Variants in CEP44 observed in about 807,000 individuals in gnomAD.
The protein encoded by CEP44 is centrosomal protein of 44 kDa.
A neutral mutation model predicts 46.7 loss-of-function variants in CEP44; 45 were observed. That is an observed-to-expected ratio of 0.96 (90% confidence interval 0.76 to 1.24). CEP44 has a LOEUF of 1.24. Among genes scored for constraint, CEP44 ranks in the 50% most tolerant of loss-of-function variants. The pLI is 0.00. For missense variants in CEP44, 475 were observed against 459.7 expected, an observed-to-expected ratio of 1.03 and a Z score of -0.30; for synonymous variants, 142 against 146.0, an observed-to-expected ratio of 0.97 and a Z score of 0.20.
chr4:174,310,226 C>T lies in CEP44; in HGVS notation c.885+170C>T, dbSNP rs1261819040. Among the ~76,000 whole-genome samples the T allele has an allele frequency of 6.6e-6, 1 of 151,770 alleles. No homozygotes were observed. Among genetic ancestry groups the T allele is most frequent in the Non-Finnish European group, 1.5e-5 (1 of 67,862 alleles). On this transcript the variant is annotated intron_variant, in intron 8 of 11. Coordinates refer to ENST00000503780, the MANE Select transcript of CEP44 (RefSeq NM_001040157.3). This position sits in a 1 kb window ranked among gnomAD's most constrained non-coding sequence, Gnocchi z 4.2. ...AAATATAGCCTGTATGTTGTTGTGG[C>T]TGTTGTTTCTCTCTTCATTGAATAA...
chr4:174,318,777 C>A lies in CEP44; in HGVS notation c.*1394C>A. 8.0e-6 allele frequency: 6 copies of A among 751,240 alleles called. No individual in the cohort carries two copies. The highest frequency in any genetic ancestry group is 6.5e-6 in the Non-Finnish European group (4 of 619,300). The allele number at this position is 751,240 out of a possible 1,614,324, so 46.5% of individuals were successfully genotyped here. A position where few individuals can be genotyped will look rare whatever the true frequency, so the allele number is the denominator to read the frequency against. ...GAATTTGAAACAGTGTAAGAAATCA[C>A]TTTTAAGAAAACATTTTTAGAATTC... On this transcript the variant is annotated 3_prime_UTR_variant, in exon 12 of 12. Transcript: ENST00000503780.
chr4:174,296,110 G>T (rs1168681716), intron 1 of CEP44, among the ~76,000 whole-genome samples: 1 of 152,178 alleles, frequency 6.6e-6, no homozygotes, highest in Admixed American at 6.5e-5. Flanking sequence ...TCAGGATTTT[G>T]AAGATAATGT....
At chr4:174,332,317 C>T (rs1327063250) in exon 9 of CEP44, 6 of 152,172 alleles carry the variant, frequency 3.9e-5, no homozygotes, top group Non-Finnish European at 8.8e-5. Flanking sequence ...CTGTTGATTA[C>T]ATACACAGTG....
At position 174,309,778 on chromosome 4, in the gene CEP44, A is replaced by C. The variant is rs1318089713; in HGVS notation, c.679-72A>C. On this transcript the variant is annotated intron_variant, in intron 7 of 11. Coordinates refer to ENST00000503780, the MANE Select transcript of CEP44 (RefSeq NM_001040157.3). This position sits in a 1 kb window ranked among gnomAD's most constrained non-coding sequence, Gnocchi z 5.3. ...CTAACTGTTGAGATAACGCTGTGGA[A>C]GTGAGAATACATTAATTTTAAAGAA... The C allele has an allele frequency of 2.9e-6, 3 of 1,025,642 alleles. No individual in the cohort carries two copies. The highest frequency in any genetic ancestry group is 4.4e-6 in the Non-Finnish European group (3 of 689,184). 63.5% of individuals were successfully genotyped at this position (1,025,642 alleles called of 1,614,324 possible).
At position 174,310,786 on chromosome 4, in the gene CEP44, G is replaced by A; in HGVS notation, c.889G>A (p.Asp297Asn). Residue 297 changes from aspartate to asparagine, a missense_variant, in exon 9 of 12, where the codon GAT becomes AAT. Asp to Asn is a conservative substitution (Grantham distance 23). Coordinates refer to ENST00000503780, the MANE Select transcript of CEP44 (RefSeq NM_001040157.3). This position sits in a 1 kb window ranked among gnomAD's most constrained non-coding sequence, Gnocchi z 4.2. The part of the protein sequence containing the change: ...ETEMLLSKKN[D>N]EFIEFNEVSE... The stretch of plus-strand genomic sequence containing the variant: ...ATATTTAACTGTGTTATTCCAGAAT[G>A]ATGAATTTATAGAGTTTAATGAAGT... 1 of 1,408,130 alleles carries A rather than the reference G, an allele frequency of 7.1e-7. No homozygotes were observed. Among genetic ancestry groups the A allele is most frequent in the East Asian group, 2.3e-5 (1 of 42,742 alleles). 87.2% of individuals were successfully genotyped at this position (1,408,130 alleles called of 1,614,324 possible).
Position 174,317,515 on chromosome 4 carries a change from A to C in CEP44, c.*132A>C, listed in dbSNP as rs183337589. On this transcript the variant is annotated 3_prime_UTR_variant, in exon 12 of 12. Transcript: ENST00000503780. ...AATTTGGATTCCATTTGGTATATGA[A>C]TTTTTGCATTCATTATTGAATAACT... 3.6e-5 allele frequency: 44 copies of C among 1,210,176 alleles called. No individual in the cohort carries two copies. The African/African-American group carries it at 6.2e-4, about 17-fold the overall frequency. The allele number at this position is 1,210,176 out of a possible 1,614,324, so 75.0% of individuals were successfully genotyped here.
At chr4:174,304,482 G>T (rs1033704036) in intron 6 of CEP44, 113 bp downstream of exon 6, 25 of 1,411,950 alleles carry the variant, frequency 1.8e-5, no homozygotes, top group Non-Finnish European at 2.4e-5. Flanking sequence ...AGATATTGGA[G>T]TTCATTGATT....
intron 4 of CEP44, among the ~76,000 whole-genome samples, chr4:174,302,959 A>AT (rs1739910694): frequency 6.6e-6 from 1 of 151,436 alleles, no homozygotes; most frequent in Admixed American, 6.6e-5. Flanking sequence ...AATTTTTTGT[A>AT]TTTTAGTAGA....
chr4:174,327,339 C>T (rs959802783), intron 8 of CEP44, among the ~76,000 whole-genome samples: 1 of 151,456 alleles, frequency 6.6e-6, no homozygotes, highest in Admixed American at 6.6e-5. Context: ...GGTAGACATA[C>T]CATCTTCGTG....
At position 174,317,788 on chromosome 4, in the gene CEP44, A is replaced by T; in HGVS notation, c.*405A>T. 1.0e-6 allele frequency: 1 copy of T among 986,808 alleles called. No homozygotes were observed. The highest frequency in any genetic ancestry group is 4.7e-5 in the South Asian group (1 of 21,290). The allele number at this position is 986,808 out of a possible 1,614,324, so 61.1% of individuals were successfully genotyped here. A position where few individuals can be genotyped will look rare whatever the true frequency, so the allele number is the denominator to read the frequency against. On this transcript the variant is annotated 3_prime_UTR_variant, in exon 12 of 12. Transcript: ENST00000503780. ...TGTGTATTATACCCAGGAGGCTCTC[A>T]TATATACCATCTTGGCATCTGTACT...
At chr4:174,293,429 G>A (rs1738467959) in intron 1 of CEP44, among the ~76,000 whole-genome samples, 1 of 152,122 alleles carries the variant, frequency 6.6e-6, no homozygotes, top group Admixed American at 6.5e-5. Flanking sequence ...GAAGGACAAG[G>A]GCTGGGGAGG....
intron 8 of CEP44, among the ~76,000 whole-genome samples, chr4:174,330,591 T>C (rs1731268867): frequency 6.6e-6 from 1 of 152,162 alleles, no homozygotes; most frequent in Admixed American, 6.5e-5. Context: ...ATGCAAAATA[T>C]GGATTTTAAT....
chr4:174,297,804 C>T lies in CEP44; in HGVS notation c.-147-162C>T, dbSNP rs1381238514. Among the ~76,000 whole-genome samples the T allele has an allele frequency of 6.6e-6, 1 of 152,182 alleles. No individual in the cohort carries two copies. Among genetic ancestry groups the T allele is most frequent in the African/African-American group, 2.4e-5 (1 of 41,434 alleles). ...TCTTTGGAGTGTAAAGCTCTTTTCT[C>T]TTTCCAGGGAAGGTGAGAGGTAGTT... On this transcript the variant is annotated intron_variant, in intron 1 of 11. Transcript: ENST00000503780. The surrounding 1 kb of genome is among the most constrained non-coding windows in gnomAD (Gnocchi z 4.3).
Position 174,297,651 on chromosome 4 carries a change from A to AGTGTGTGTGTGTGTGTGTGT in CEP44, c.-147-300_-147-281dup, listed in dbSNP as rs70947423. ...CTGAGATATAGGAAGAAACTTTATT[A>AGTGTGTGTGTGTGTGTGTGT]GTGTGTGTGTGTGTGTGTGTGTGTG... On this transcript the variant is annotated intron_variant, in intron 1 of 11. Coordinates refer to ENST00000503780, the MANE Select transcript of CEP44 (RefSeq NM_001040157.3). This position sits in a 1 kb window ranked among gnomAD's most constrained non-coding sequence, Gnocchi z 4.3. 6.7e-6 allele frequency among the ~76,000 whole-genome samples: 1 copy of AGTGTGTGTGTGTGTGTGTGT among 148,954 alleles called. No homozygotes were observed. The highest frequency in any genetic ancestry group is 2.5e-5 in the African/African-American group (1 of 40,304).
At chr4:174,293,866 T>C (rs1738518657) in intron 1 of CEP44, among the ~76,000 whole-genome samples, 1 of 152,188 alleles carries the variant, frequency 6.6e-6, no homozygotes, top group Non-Finnish European at 1.5e-5. Flanking sequence ...CTCGTGTTAT[T>C]CCCAGTCTTT....
At chr4:174,325,264 A>G (rs1387882198), downstream of CEP44, among the ~76,000 whole-genome samples, 6 of 151,804 alleles carry the variant, frequency 4.0e-5, no homozygotes, top group Non-Finnish European at 8.8e-5. This position sits in a 1 kb window ranked among gnomAD's most constrained non-coding sequence, Gnocchi z 4.4. Flanking sequence ...ATTTTCCCCC[A>G]CTCTGTGGTT....
rs1560899434 is a variant in CEP44 at position 174,301,747 on chromosome 4, G to A, written c.90-292G>A. 6.6e-6 allele frequency among the ~76,000 whole-genome samples: 1 copy of A among 152,096 alleles called. No homozygotes were observed. Among genetic ancestry groups the A allele is most frequent in the African/African-American group, 2.4e-5 (1 of 41,426 alleles). On this transcript the variant is annotated intron_variant, in intron 3 of 11. Transcript: ENST00000503780. This position sits in a 1 kb window ranked among gnomAD's most constrained non-coding sequence, Gnocchi z 4.3. ...TTGCTTTTATTAGTAGTAGAAAATG[G>A]AGTAGATCACGTAAGACTAAGCTTT...
At chr4:174,283,851 T>A (rs1737221517), upstream of CEP44, 2 of 398,468 alleles carry the variant, frequency 5.0e-6, no homozygotes, top group Non-Finnish European at 8.8e-6. This position sits in a 1 kb window ranked among gnomAD's most constrained non-coding sequence, Gnocchi z 6.7. Flanking sequence ...CTCAGCGGAG[T>A]CGCTCTTCAC....
chr4:174,292,321 A>T (rs1005578493), intron 1 of CEP44, among the ~76,000 whole-genome samples: 1 of 152,132 alleles, frequency 6.6e-6, no homozygotes, highest in East Asian at 1.9e-4. Flanking sequence ...CAAATTCATT[A>T]TAGTGTCTAT....
Sources: gnomAD v4.1 joint callset for allele counts (sites outside exome capture counted in the v4.1 genomes callset) on GRCh38, gnomAD v4.1.1 for gene constraint, Gnocchi (gnomAD v3.1) non-coding constraint, MANE v1.5 for transcripts, NCBI Gene and HGNC (gene_info 2026-07-23, HGNC 2026-07-21) for gene names.